RAB38: variants seen among roughly 807,000 people sequenced by gnomAD.
The protein encoded by RAB38 is RAB38, member RAS oncogene family.
Under a neutral mutation model 18.4 loss-of-function variants are expected in RAB38, and 15 were observed. The observed-to-expected ratio is 0.82, with a 90% CI of 0.55 to 1.26. RAB38 has a LOEUF of 1.26. Ranked by LOEUF, RAB38 falls within the 50% of genes most tolerant of loss-of-function variation. The probability of loss-of-function intolerance (pLI) is 0.00; values close to 1 mark genes in which losing one functional copy is unlikely to be tolerated. For missense variants in RAB38, 294 were observed against 267.4 expected, an observed-to-expected ratio of 1.10 and a Z score of -0.69; for synonymous variants, 101 against 104.4, an observed-to-expected ratio of 0.97 and a Z score of 0.20.
At chr11:87,860,441 A>T in the RAB38 span, among the ~76,000 whole-genome samples, 1 of 152,150 alleles carries the variant, frequency 6.6e-6, no homozygotes, top group South Asian at 2.1e-4. Context: ...AGAATAATTG[A>T]TATCAAACTT....
At chr11:87,875,457 T>G in the RAB38 span, among the ~76,000 whole-genome samples, 43 of 151,504 alleles carry the variant, frequency 2.8e-4, 1 homozygote, top group Admixed American at 1.5e-3. Flanking sequence ...ATGTTGATTA[T>G]TTATCTGGGG....
chr11:87,910,215 A>T, the RAB38 span, among the ~76,000 whole-genome samples: 5 of 152,190 alleles, frequency 3.3e-5, no homozygotes, highest in East Asian at 9.7e-4. Context: ...TCTACTAACT[A>T]ATTATGTTGA....
intron 1 of RAB38, among the ~76,000 whole-genome samples, chr11:88,164,161 C>A (rs987120951): frequency 6.6e-6 from 1 of 151,114 alleles, no homozygotes; most frequent in African/African-American, 2.4e-5. Flanking sequence ...TTATAAATAA[C>A]CCCCAAGAGA....
At chr11:88,081,371 A>C in the RAB38 span, among the ~76,000 whole-genome samples, 46 of 151,974 alleles carry the variant, frequency 3.0e-4, no homozygotes, top group Non-Finnish European at 4.4e-5. Context: ...AGTTTTCTAC[A>C]GCTGACATAA....
At chr11:88,112,807 T>C (rs192990711), downstream of RAB38, among the ~76,000 whole-genome samples, 2,551 of 151,766 alleles carry the variant, frequency 0.017, 71 homozygotes, top group African/African-American at 0.059. Context: ...TATATATATA[T>C]ATATGTATAT....
At chr11:88,015,935 T>A in the RAB38 span, among the ~76,000 whole-genome samples, 1 of 152,156 alleles carries the variant, frequency 6.6e-6, no homozygotes. Flanking sequence ...GAGATAGAGA[T>A]CCTTGTACTT....
chr11:87,944,497 T>G, the RAB38 span, among the ~76,000 whole-genome samples: 1 of 152,148 alleles, frequency 6.6e-6, no homozygotes, highest in Admixed American at 6.6e-5. Context: ...CCTACAGCTC[T>G]GTGCTGAATC....
At chr11:87,840,668 C>T in the RAB38 span, among the ~76,000 whole-genome samples, 1 of 151,822 alleles carries the variant, frequency 6.6e-6, no homozygotes, top group Non-Finnish European at 1.5e-5. Context: ...GTAAGAGTTC[C>T]CAAAGACAGA....
chr11:87,960,476 A>G, the RAB38 span, among the ~76,000 whole-genome samples: 1 of 152,158 alleles, frequency 6.6e-6, no homozygotes, highest in Non-Finnish European at 1.5e-5. Flanking sequence ...TGAATCAGGA[A>G]AATGCTGATA....
chr11:87,947,580 G>T, the RAB38 span, among the ~76,000 whole-genome samples: 1 of 151,872 alleles, frequency 6.6e-6, no homozygotes, highest in South Asian at 2.1e-4. Flanking sequence ...GTGTAAGGAA[G>T]GCATCCAGTT....
the RAB38 span, among the ~76,000 whole-genome samples, chr11:87,897,130 G>A: frequency 2.0e-5 from 3 of 151,462 alleles, no homozygotes; most frequent in African/African-American, 7.3e-5. Context: ...ATGTAAACAT[G>A]AGTTTAAAAT....
At chr11:88,107,830 A>T in the RAB38 span, among the ~76,000 whole-genome samples, 1 of 152,214 alleles carries the variant, frequency 6.6e-6, no homozygotes, top group African/African-American at 2.4e-5. Context: ...CTTTGTTCTC[A>T]TTGGTTTCAA....
the RAB38 span, among the ~76,000 whole-genome samples, chr11:87,927,842 G>C: frequency 2.6e-4 from 39 of 152,104 alleles, no homozygotes; most frequent in Non-Finnish European, 5.3e-4. Flanking sequence ...TGAGGCAGGA[G>C]GATCATTTGA....
At chr11:88,117,847 G>A (rs1168902598) in intron 2 of RAB38, among the ~76,000 whole-genome samples, 1 of 152,194 alleles carries the variant, frequency 6.6e-6, no homozygotes, top group Non-Finnish European at 1.5e-5. Context: ...ACTTAGAACA[G>A]TGAAAGGCAT....
the RAB38 span, among the ~76,000 whole-genome samples, chr11:88,022,502 A>G: frequency 6.6e-6 from 1 of 151,746 alleles, no homozygotes; most frequent in Non-Finnish European, 1.5e-5. Context: ...AGCTAGAGCA[A>G]TCACACAAGA....
the RAB38 span, among the ~76,000 whole-genome samples, chr11:87,944,474 T>C: frequency 1.8e-4 from 28 of 152,208 alleles, no homozygotes; most frequent in Non-Finnish European, 3.7e-4. Context: ...CCTGTAGTCT[T>C]CCATTTTTGG....
the RAB38 span, among the ~76,000 whole-genome samples, chr11:87,852,550 G>A: frequency 8.6e-5 from 13 of 152,026 alleles, no homozygotes; most frequent in African/African-American, 2.4e-4. Flanking sequence ...AAAAGGCCCC[G>A]AATTGAGAAA....
the RAB38 span, among the ~76,000 whole-genome samples, chr11:87,838,609 C>T: frequency 7.2e-5 from 11 of 152,114 alleles, no homozygotes; most frequent in African/African-American, 2.2e-4. Flanking sequence ...GGTCTTGTTG[C>T]CTTTATCAAG....
the RAB38 span, among the ~76,000 whole-genome samples, chr11:87,892,648 T>C: frequency 0.091 from 13,747 of 151,890 alleles, 939 homozygotes; most frequent in Admixed American, 0.22. Context: ...TCTACTCATC[T>C]TAAACACCTG....
Sources: allele counts gnomAD v4.1 joint callset (sites outside exome capture counted in the v4.1 genomes callset), GRCh38; gene constraint gnomAD v4.1.1; transcripts MANE v1.5; gene names NCBI Gene and HGNC (gene_info 2026-07-23, HGNC 2026-07-21).